CACNA1A: variants seen among roughly 807,000 people sequenced by gnomAD.
CACNA1A encodes the protein calcium voltage-gated channel subunit alpha1 A, also known as voltage-dependent P/Q-type calcium channel subunit alpha-1A.
CACNA1A carries 57 observed loss-of-function variants against 262.4 expected under a neutral mutation model. The ratio of observed to expected loss-of-function variants is 0.22; its 90% CI spans 0.18 to 0.27. The LOEUF (loss-of-function observed/expected upper bound fraction) is 0.27, where lower values mean the gene tolerates loss of function less well. CACNA1A is among the 10% of genes least tolerant of loss of function. The pLI is 1.00. For synonymous variants in CACNA1A, 1,431 were observed against 1,419.3 expected, an observed-to-expected ratio of 1.01 and a Z score of -0.18; for missense variants, 2,526 against 3,562.8, an observed-to-expected ratio of 0.71 and a Z score of 7.41.
At chr19:13,358,450 T>C (rs1274865289) in intron 6 of CACNA1A, among the ~76,000 whole-genome samples, 1 of 152,178 alleles carries the variant, frequency 6.6e-6, no homozygotes, top group Non-Finnish European at 1.5e-5. Flanking sequence ...AGACTGTCCA[T>C]GTCCTGCAGT....
In CACNA1A at chr19:13,207,903, G is replaced by A. The variant is rs1185639577; in HGVS notation, c.6931C>T (p.Pro2311Ser). The A allele has an allele frequency of 3.4e-6, 5 of 1,465,652 alleles. No homozygotes were observed. Among genetic ancestry groups the A allele is most frequent in the East Asian group, 5.7e-5 (2 of 35,302 alleles). The allele number at this position is 1,465,652 out of a possible 1,614,324, so 90.8% of individuals were successfully genotyped here. A position where few individuals can be genotyped will look rare whatever the true frequency, so the allele number is the denominator to read the frequency against. Residue 2311 changes from proline (P) to serine (S), a missense_variant, in exon 47 of 47, where the codon CCC (proline) becomes TCC (serine). This residue lies in a region of CACNA1A where 929 missense variants were observed against 868.1 expected (regional missense o/e 1.07). Coordinates refer to ENST00000360228, the MANE Select transcript of CACNA1A (RefSeq NM_001127222.2). The surrounding 1 kb of genome is among the most constrained non-coding windows in gnomAD (Gnocchi z 5.7). ...TGCTGCTGCTGCTGCTGCTGCGGGG[G>A]CCCCGAGCCGCCGGCCTTACGGATC... is the stretch of plus-strand genomic sequence containing the variant. ...PVIRKAGGSGPPQQQQQQQQQ... is the reference protein window; with the variant it reads ...PVIRKAGGSGSPQQQQQQQQQ...
At chr19:13,293,787 G>A (rs537891452) in intron 19 of CACNA1A, among the ~76,000 whole-genome samples, 5 of 150,376 alleles carry the variant, frequency 3.3e-5, no homozygotes, top group African/African-American at 9.8e-5. Flanking sequence ...GAAGGAGGTA[G>A]CTACTATTCT....
chr19:13,231,226 G>A (rs1568442824), intron 35 of CACNA1A, among the ~76,000 whole-genome samples: 1 of 150,742 alleles, frequency 6.6e-6, no homozygotes, highest in Non-Finnish European at 1.5e-5. Flanking sequence ...TGCTGTCCAG[G>A]CTGGTCTTGT....
chr19:13,235,135 C>T, intron 33 of CACNA1A, 74 bp downstream of exon 33: 1 of 1,567,068 alleles, frequency 6.4e-7, no homozygotes, highest in Non-Finnish European at 8.8e-7. Context: ...AACCAGGCTC[C>T]TCTGACCCAC....
At chr19:13,209,271 CCT>C in intron 45 of CACNA1A, 39 bp downstream of exon 45, 3 of 1,439,114 alleles carry the variant, frequency 2.1e-6, no homozygotes, top group Non-Finnish European at 2.7e-6. Context: ...CCTCTCCTCT[CCT>C]CTGTTCTGCT....
At chr19:13,307,914 C>A (rs375845605) in intron 14 of CACNA1A, 60 bp from the exon 15 acceptor site, 82 of 1,486,388 alleles carry the variant, frequency 5.5e-5, no homozygotes, top group Non-Finnish European at 7.3e-5. Flanking sequence ...GAGGGTGTGG[C>A]TCAGTATCTC....
chr19:13,342,492 T>C (rs965414090), intron 6 of CACNA1A, among the ~76,000 whole-genome samples: 6 of 152,168 alleles, frequency 3.9e-5, no homozygotes, highest in African/African-American at 9.7e-5. Flanking sequence ...TTGTCTTTCT[T>C]CCAAGGGCTC....
At chr19:13,255,725 CTCCCTCCCTCCTTCCCTCCCTCCCTCCT>C (rs1433857647) in intron 28 of CACNA1A, among the ~76,000 whole-genome samples, 12 of 36,960 alleles carry the variant, frequency 3.2e-4, no homozygotes, top group African/African-American at 9.0e-4. Flanking sequence ...CCCTCCTTCT[CTCCCTCCCTCCTTCCCTCCCTCCCTCCT>C]TCCCTCCCTC....
At chr19:13,424,778 T>C (rs2060373592) in intron 3 of CACNA1A, among the ~76,000 whole-genome samples, 1 of 151,820 alleles carries the variant, frequency 6.6e-6, no homozygotes, top group Non-Finnish European at 1.5e-5. Flanking sequence ...CTTGGCCATC[T>C]ACTCTTTTAA....
At chr19:13,242,912 G>C (rs190266948) in intron 31 of CACNA1A, among the ~76,000 whole-genome samples, 12 of 152,188 alleles carry the variant, frequency 7.9e-5, no homozygotes, top group East Asian at 1.9e-4. Context: ...CTACTGCAAG[G>C]GTCCTGATGT....
At chr19:13,501,069 G>T (rs60892786) in intron 1 of CACNA1A, among the ~76,000 whole-genome samples, 1 of 152,058 alleles carries the variant, frequency 6.6e-6, no homozygotes, top group Middle Eastern at 3.2e-3. Context: ...GGGTATTTTA[G>T]GGTTGATGAA....
chr19:13,332,354 C>G (rs529842491), intron 9 of CACNA1A, among the ~76,000 whole-genome samples: 1 of 151,716 alleles, frequency 6.6e-6, no homozygotes, highest in Admixed American at 6.6e-5. Context: ...GAGGTGAGAT[C>G]GTGTGACTGC....
intron 29 of CACNA1A, among the ~76,000 whole-genome samples, chr19:13,254,008 G>C (rs1016737436): frequency 6.6e-6 from 1 of 152,178 alleles, no homozygotes; most frequent in Admixed American, 6.6e-5. Flanking sequence ...CAAAGTGCTG[G>C]GATTACAGGT....
chr19:13,419,219 C>T (rs915906601), intron 3 of CACNA1A, among the ~76,000 whole-genome samples: 3 of 152,214 alleles, frequency 2.0e-5, no homozygotes, highest in African/African-American at 7.2e-5. Flanking sequence ...CAACTGCCTA[C>T]AGTATTCAAG....
Position 13,298,905 on chromosome 19 carries a change from G to T in CACNA1A, c.2728C>A (p.Leu910Met), listed in dbSNP as rs760439653. The T allele has an allele frequency of 2.5e-6, 4 of 1,594,888 alleles. No individual in the cohort carries two copies. Among genetic ancestry groups the T allele is most frequent in the Non-Finnish European group, 2.5e-6 (3 of 1,178,036 alleles). Residue 910 changes from leucine (L) to methionine (M), a missense_variant, in exon 19 of 47, where the codon CTG becomes ATG. Leu to Met is a conservative substitution (Grantham distance 15). Around this residue, in one of 17 missense-constraint regions of CACNA1A, gnomAD observed 765 missense variants for 748.6 expected, o/e 1.02. Coordinates refer to ENST00000360228, the MANE Select transcript of CACNA1A (RefSeq NM_001127222.2). ...ESDHHAREGSLEQPGFWEGEA... is the reference protein window; with the variant it reads ...ESDHHAREGSMEQPGFWEGEA... The stretch of plus-strand genomic sequence containing the variant: ...CCCTCCCAGAACCCGGGTTGCTCCA[G>T]GCTGCCCTCCCGGGCGTGGTGGTCC...
At chr19:13,352,728 T>G (rs912606093) in intron 6 of CACNA1A, among the ~76,000 whole-genome samples, 2 of 152,086 alleles carry the variant, frequency 1.3e-5, no homozygotes, top group African/African-American at 4.8e-5. Flanking sequence ...AAACATCACC[T>G]CCTCTTAGGA....
At chr19:13,381,292 G>A (rs2059520172) in intron 3 of CACNA1A, among the ~76,000 whole-genome samples, 1 of 152,142 alleles carries the variant, frequency 6.6e-6, no homozygotes, top group African/African-American at 2.4e-5. Flanking sequence ...CAGCTACTCG[G>A]GAGGCTGTTG....
At chr19:13,253,175 T>A in intron 29 of CACNA1A, 74 bp from the exon 30 acceptor site, 2 of 908,852 alleles carry the variant, frequency 2.2e-6, no homozygotes, top group South Asian at 2.9e-5. Context: ...GGCAGCTTCA[T>A]GGCTGTTCTC....
chr19:13,285,190 G>A lies in CACNA1A; in HGVS notation c.3570C>T (p.Asn1190=), dbSNP rs761156199. 4 of 1,613,906 alleles carry A rather than the reference G, an allele frequency of 2.5e-6. No homozygotes were observed. In the South Asian group the frequency reaches 3.3e-5, roughly 13 times the overall value. The change falls in exon 21 of 47, where the codon AAC becomes AAT. Residue 1190 remains asparagine, a synonymous_variant. Transcript: ENST00000360228. ...CCTCTTTTTTTGGCAGTGGGTCTGG[G>A]TTGGCGTTTTTGTTCACTGTTGGGA... The part of the protein sequence containing the change: ...HTVVQVNKNA[N]PDPLPKKEEE...
Sources: allele counts gnomAD v4.1 joint callset (sites outside exome capture counted in the v4.1 genomes callset), GRCh38; gene constraint gnomAD v4.1.1; regional missense constraint gnomAD v4.1.1; non-coding constraint Gnocchi (gnomAD v3.1); transcripts MANE v1.5; gene names NCBI Gene and HGNC (gene_info 2026-07-23, HGNC 2026-07-21).